The following ARNT variants were observed in gnomAD, a reference collection of about 807,000 sequenced individuals.
The protein encoded by ARNT is aryl hydrocarbon receptor nuclear translocator, also known as class E basic helix-loop-helix protein 2.
A neutral mutation model predicts 105.0 loss-of-function variants in ARNT; 30 were observed. That is an observed-to-expected ratio of 0.29 (90% CI 0.21 to 0.39). The LOEUF (loss-of-function observed/expected upper bound fraction) is 0.39, where lower values mean the gene tolerates loss of function less well. ARNT is among the 10% of genes least tolerant of loss of function. The pLI is 1.00. For missense variants in ARNT, 748 were observed against 978.7 expected, an observed-to-expected ratio of 0.76 and a Z score of 3.15; for synonymous variants, 304 against 344.0, an observed-to-expected ratio of 0.88 and a Z score of 1.29.
chr1:150,817,993 T>C lies in ARNT; in HGVS notation c.1432A>G (p.Thr478Ala). ...SQEPRPTLSN[T>A]IQRPQLGPTA... ...GGACCTAGTTGTGGCCTCTGGATTG[T>C]GTTGGAGAGTGTAGGCCGTGGTTCT... Residue 478 changes from threonine (T) to alanine (A), a missense_variant, in exon 15 of 22, where the codon ACA becomes GCA. Physicochemically the swap from Thr to Ala is moderately conservative, Grantham distance 58 (BLOSUM62 0). This residue lies in a region of ARNT where 360 missense variants were observed against 411.9 expected (regional missense o/e 0.87). Transcript: ENST00000358595. 6.2e-7 allele frequency: 1 copy of C among 1,612,412 alleles called. No homozygotes were observed. The highest frequency in any genetic ancestry group is 8.5e-7 in the Non-Finnish European group (1 of 1,179,696).
chr1:150,812,641 A>G (rs1654968856), intron 21 of ARNT: 1 of 152,780 alleles, frequency 6.5e-6, no homozygotes, highest in Non-Finnish European at 1.5e-5. Flanking sequence ...CGCAGGGGCC[A>G]TGCTAATCTT....
intron 5 of ARNT, 84 bp downstream of exon 5, chr1:150,842,340 A>AG: frequency 6.5e-7 from 1 of 1,544,108 alleles, no homozygotes; most frequent in Non-Finnish European, 8.7e-7. Flanking sequence ...ACAAAGAGAA[A>AG]GGGGAAGAAA....
intron 2 of ARNT, among the ~76,000 whole-genome samples, chr1:150,857,468 A>G (rs587693121): frequency 1.3e-5 from 2 of 152,340 alleles, no homozygotes; most frequent in South Asian, 2.1e-4. Context: ...AAGCTACTGA[A>G]CATATAACAA....
chr1:150,824,414 AT>A (rs985515306), intron 13 of ARNT, among the ~76,000 whole-genome samples: 2 of 147,178 alleles, frequency 1.4e-5, no homozygotes, highest in African/African-American at 5.0e-5. Flanking sequence ...CTTCAATCCT[AT>A]TTTTTCCCCG....
intron 10 of ARNT, 75 bp from the exon 11 acceptor site, chr1:150,830,055 A>T: frequency 6.5e-7 from 1 of 1,536,222 alleles, no homozygotes; most frequent in South Asian, 1.1e-5. Context: ...ACAAGTAAAG[A>T]TTCAAAATAG....
intron 2 of ARNT, among the ~76,000 whole-genome samples, chr1:150,856,356 C>T (rs905798616): frequency 5.3e-5 from 8 of 152,050 alleles, no homozygotes; most frequent in Non-Finnish European, 1.0e-4. Flanking sequence ...AGGAGAATGG[C>T]GTGAACCTGG....
intron 1 of ARNT, among the ~76,000 whole-genome samples, chr1:150,859,073 A>T (rs1665135150): frequency 7.3e-6 from 1 of 136,552 alleles, no homozygotes; most frequent in Admixed American, 7.7e-5. Flanking sequence ...AGACTTAATA[A>T]TATACTAATT....
chr1:150,867,322 C>G (rs1313049056), intron 1 of ARNT, among the ~76,000 whole-genome samples: 1 of 151,436 alleles, frequency 6.6e-6, no homozygotes, highest in African/African-American at 2.4e-5. Context: ...TTGAGCTCAG[C>G]AGTTCAAGAC....
intron 9 of ARNT, 46 bp from the exon 10 acceptor site, chr1:150,831,949 G>C (rs755027491): frequency 7.9e-7 from 1 of 1,263,946 alleles, no homozygotes; most frequent in East Asian, 2.4e-5. Flanking sequence ...AAATCTACCC[G>C]TAAAACTCAA....
intron 12 of ARNT, among the ~76,000 whole-genome samples, chr1:150,828,339 GTTTTTTTTTTGTT>G (rs1571254875): frequency 1.1e-5 from 1 of 90,248 alleles, no homozygotes. Context: ...TTTGGGTGTG[GTTTTTTTTTTGTT>G]TTTTTTTTTT....
At chr1:150,841,726 G>A (rs979853419) in intron 5 of ARNT, among the ~76,000 whole-genome samples, 10 of 152,184 alleles carry the variant, frequency 6.6e-5, no homozygotes, top group Middle Eastern at 6.8e-3. Context: ...CTTTCTAAAT[G>A]GCAAAAAGGG....
At chr1:150,851,438 G>A (rs587623352) in intron 3 of ARNT, among the ~76,000 whole-genome samples, 514 of 152,368 alleles carry the variant, frequency 3.4e-3, no homozygotes, top group African/African-American at 0.011. Flanking sequence ...GTGGGGAAAA[G>A]ATAGAGAAAT....
rs1269992072 is a variant in ARNT, at chr1:150,839,588, T to C, written c.339A>G (p.Ser113=). 3.1e-6 allele frequency: 5 copies of C among 1,614,200 alleles called. No individual in the cohort carries two copies. Among genetic ancestry groups the C allele is most frequent in the Non-Finnish European group, 4.2e-6 (5 of 1,180,034 alleles). The change falls in exon 6 of 22, where the codon TCA becomes TCG. Residue 113 remains serine, a synonymous_variant. Coordinates refer to ENST00000358595, the MANE Select transcript of ARNT (RefSeq NM_001668.4). The part of the protein sequence containing the change: ...NKMTAYITEL[S]DMVPTCSALA... ...GGGCACTACAGGTGGGTACCATATC[T>C]GACAGTTCTGTGATGTAGGCTGTCA...
In ARNT at chr1:150,818,031, C is replaced by T; in HGVS notation, c.1395-1G>A. On this transcript the variant is annotated splice_acceptor_variant, in intron 14 of 21. Transcript: ENST00000358595. LOFTEE classifies it high-confidence loss of function. ...AGGCCGTGGTTCTTGGCTAGAGTTC[C>T]TAGGAAACCAGAGTAGACAGTAAAG... 1 of 1,600,360 alleles carries T rather than the reference C, an allele frequency of 6.2e-7. No homozygotes were observed. The highest frequency in any genetic ancestry group is 8.5e-7 in the Non-Finnish European group (1 of 1,173,238).
chr1:150,817,521 A>G (rs1157883802), intron 15 of ARNT, 88 bp from the exon 16 acceptor site: 3 of 1,317,876 alleles, frequency 2.3e-6, no homozygotes, highest in Non-Finnish European at 1.1e-6. Context: ...AAAACAAATT[A>G]AACAGGCCGG....
intron 2 of ARNT, chr1:150,853,217 G>A: frequency 3.1e-6 from 1 of 323,684 alleles, no homozygotes; most frequent in South Asian, 2.3e-5. Flanking sequence ...GGAGGTGGAG[G>A]TTTCAGTGAG....
intron 10 of ARNT, 88 bp downstream of exon 10, chr1:150,831,730 A>AC (rs895420786): frequency 2.4e-6 from 2 of 817,032 alleles, no homozygotes; most frequent in African/African-American, 3.6e-5. Context: ...CATTTCATAT[A>AC]CCAGGTATAT....
At chr1:150,825,516 G>A (rs957696082) in intron 13 of ARNT, among the ~76,000 whole-genome samples, 34 of 152,120 alleles carry the variant, frequency 2.2e-4, no homozygotes, top group Admixed American at 2.2e-3. Flanking sequence ...ACAATTAACA[G>A]TCAGCTTATA....
At chr1:150,868,237 T>C (rs975501190) in intron 1 of ARNT, among the ~76,000 whole-genome samples, 1 of 151,950 alleles carries the variant, frequency 6.6e-6, no homozygotes, top group African/African-American at 2.4e-5. Flanking sequence ...GGAGGATCAT[T>C]TGAGCTCAGG....
Sources: allele counts gnomAD v4.1 joint callset (sites outside exome capture counted in the v4.1 genomes callset), GRCh38; gene constraint gnomAD v4.1.1; regional missense constraint gnomAD v4.1.1; transcripts MANE v1.5; gene names NCBI Gene and HGNC (gene_info 2026-07-23, HGNC 2026-07-21).